SLC2A2: variants seen among roughly 807,000 people sequenced by gnomAD.
The protein encoded by SLC2A2 is solute carrier family 2 member 2, also known as solute carrier family 2, facilitated glucose transporter member 2.
SLC2A2 carries 36 observed loss-of-function variants against 54.5 expected under a neutral mutation model. That is an observed-to-expected ratio of 0.66 (90% CI 0.51 to 0.87). The LOEUF (loss-of-function observed/expected upper bound fraction) is 0.87, where lower values mean the gene tolerates loss of function less well. Ranked by LOEUF, SLC2A2 falls within the 40% of genes least tolerant of loss-of-function variation. The pLI is 0.00. For missense variants in SLC2A2, 543 were observed against 624.3 expected (o/e 0.87, Z 1.39); for synonymous variants, 223 against 219.1 (o/e 1.02, Z -0.16).
chr3:171,016,100 G>C (rs1204488264), intron 2 of SLC2A2, among the ~76,000 whole-genome samples: 1 of 152,080 alleles, frequency 6.6e-6, no homozygotes, highest in Non-Finnish European at 1.5e-5. Context: ...GCTGAGGGAG[G>C]GGAAGAATTG....
intron 3 of SLC2A2, among the ~76,000 whole-genome samples, chr3:171,012,125 T>C (rs1018258192): frequency 6.6e-6 from 1 of 152,182 alleles, no homozygotes; most frequent in East Asian, 1.9e-4. Context: ...ATCATCATCA[T>C]CATCATCATC....
chr3:171,007,454 G>T, intron 4 of SLC2A2, 191 bp from the exon 5 acceptor site: 1 of 590,136 alleles, frequency 1.7e-6, no homozygotes. Flanking sequence ...TGCAGTTGTA[G>T]TTGGAAACAT....
intron 8 of SLC2A2, 99 bp downstream of exon 8, chr3:171,002,477 A>C: frequency 1.3e-6 from 1 of 771,856 alleles, no homozygotes; most frequent in Non-Finnish European, 2.3e-6. Flanking sequence ...GCATGTGTAC[A>C]ATAAGTCATT....
At chr3:170,999,345 G>A (rs1272116748) in intron 8 of SLC2A2, among the ~76,000 whole-genome samples, 179 bp from the exon 9 acceptor site, 1 of 152,068 alleles carries the variant, frequency 6.6e-6, no homozygotes, top group Admixed American at 6.6e-5. Context: ...GCCCCAGGTG[G>A]CAGAGCTAGT....
chr3:170,998,873 T>TTCAGTCTTAAACCCAAGA (rs944673917), intron 9 of SLC2A2, among the ~76,000 whole-genome samples, 192 bp downstream of exon 9: 4 of 152,200 alleles, frequency 2.6e-5, no homozygotes, highest in African/African-American at 4.8e-5. Flanking sequence ...CATGCTGATA[T>TTCAGTCTTAAACCCAAGA]TCAGTCTTAA....
intron 6 of SLC2A2, among the ~76,000 whole-genome samples, 194 bp downstream of exon 6, chr3:171,005,749 T>C (rs1715567491): frequency 6.6e-6 from 1 of 152,062 alleles, no homozygotes; most frequent in Non-Finnish European, 1.5e-5. Context: ...TTGAGTCTAA[T>C]ACCGTGTGTA....
At chr3:171,003,717 ATAGTGCTGC>A (rs1470093608) in intron 7 of SLC2A2, among the ~76,000 whole-genome samples, 1 of 152,026 alleles carries the variant, frequency 6.6e-6, no homozygotes, top group Admixed American at 6.6e-5. Flanking sequence ...GTGATTATGA[ATAGTGCTGC>A]TAGGAACATT....
Position 171,007,253 on chromosome 3 carries a change from T to A in SLC2A2, c.507A>T (p.Ser169=). Residue 169 remains serine, a synonymous_variant, in exon 5 of 11, where the codon TCA becomes TCT. Transcript: ENST00000314251. The part of the protein sequence containing the change: ...SISGLYCGLI[S]GLVPMYIGEI... ...CACCGATATACATAGGAACCAGGCC[T>A]GAAATTAGCCCTGCATGAAACATAA... The A allele has an allele frequency of 6.3e-7, 1 of 1,599,414 alleles. No individual in the cohort carries two copies. The highest frequency in any genetic ancestry group is 8.6e-7 in the Non-Finnish European group (1 of 1,167,156).
chr3:171,005,816 G>A (rs1715570555), intron 6 of SLC2A2, 127 bp downstream of exon 6: 2 of 926,664 alleles, frequency 2.2e-6, no homozygotes, highest in African/African-American at 3.3e-5. Flanking sequence ...ACATGCACCA[G>A]TCATATAAAA....
intron 2 of SLC2A2, among the ~76,000 whole-genome samples, chr3:171,017,895 T>C (rs1716225246): frequency 6.6e-6 from 1 of 152,236 alleles, no homozygotes; most frequent in Non-Finnish European, 1.5e-5. Flanking sequence ...GGAGTCATCG[T>C]GGAGAAAATC....
At position 171,005,272 on chromosome 3, in the gene SLC2A2, T is replaced by C. The variant is rs758338074; in HGVS notation, c.963+13A>G. 14 of 1,610,494 alleles carry C rather than the reference T, an allele frequency of 8.7e-6. No individual in the cohort carries two copies. The highest frequency in any genetic ancestry group is 1.1e-5 in the Non-Finnish European group (13 of 1,177,080). ...CTGTGCTCTTAAGAGTTAGTGGGTG[T>C]TCTTAAACTTACGCCATTGATTCCG... On this transcript the variant is annotated intron_variant, in intron 7 of 10. Coordinates refer to ENST00000314251, the MANE Select transcript of SLC2A2 (RefSeq NM_000340.2).
At chr3:171,006,978 T>G (rs1715640733) in intron 5 of SLC2A2, among the ~76,000 whole-genome samples, 170 bp downstream of exon 5, 1 of 151,966 alleles carries the variant, frequency 6.6e-6, no homozygotes, top group Admixed American at 6.6e-5. Context: ...CCACTACCAC[T>G]GGTAGAATTG....
chr3:171,017,731 G>C (rs1244126896), intron 2 of SLC2A2, among the ~76,000 whole-genome samples: 2 of 152,218 alleles, frequency 1.3e-5, no homozygotes, highest in Non-Finnish European at 2.9e-5. Flanking sequence ...GTCTGAGTTA[G>C]AGCAGAGGGG....
At chr3:171,021,060 G>A (rs58284370) in intron 1 of SLC2A2, among the ~76,000 whole-genome samples, 20,484 of 151,920 alleles carry the variant, frequency 0.13, 1,745 homozygotes, top group African/African-American at 0.24. Context: ...TGGTCTATGT[G>A]AGTATGAAAG....
At chr3:171,012,032 G>C (rs369386967) in intron 3 of SLC2A2, among the ~76,000 whole-genome samples, 7 of 152,204 alleles carry the variant, frequency 4.6e-5, no homozygotes, top group Admixed American at 6.5e-5. Context: ...TTAATTCTAT[G>C]TAAGCATATT....
rs1307632316 is a variant in SLC2A2 at position 170,996,769 on chromosome 3, G to A, written c.*1134C>T. The A allele has an allele frequency of 2.5e-6, 1 of 396,296 alleles. No individual in the cohort carries two copies. Among genetic ancestry groups the A allele is most frequent in the African/African-American group, 2.1e-5 (1 of 48,542 alleles). The allele number at this position is 396,296 out of a possible 1,614,324, so 24.5% of individuals were successfully genotyped here. Reference sequence around the variant, plus strand: ...TAAGACAAAGAAGGAAATGTCAAAGGAGACGATTATTTTATGTTAGGAACA... The same window carrying A: ...TAAGACAAAGAAGGAAATGTCAAAGAAGACGATTATTTTATGTTAGGAACA... On this transcript the variant is annotated 3_prime_UTR_variant, in exon 11 of 11. Coordinates refer to ENST00000314251, the MANE Select transcript of SLC2A2 (RefSeq NM_000340.2).
Position 171,005,977 on chromosome 3 carries a change from G to A in SLC2A2, c.741C>T (p.Tyr247=), listed in dbSNP as rs1224905939. ...CTTTGACTTCCTCATCTAACTTGAT[G>A]TAAAGGTATCTGGGGCTTTCTGGAC... The part of the protein sequence containing the change: ...FFCPESPRYL[Y]IKLDEEVKAK... Residue 247 remains tyrosine, a synonymous_variant, in exon 6 of 11, where the codon TAC becomes TAT. Coordinates refer to ENST00000314251, the MANE Select transcript of SLC2A2 (RefSeq NM_000340.2). The A allele has an allele frequency of 3.7e-6, 6 of 1,612,556 alleles. No individual in the cohort carries two copies. The highest frequency in any genetic ancestry group is 1.7e-4 in the Middle Eastern group (1 of 6,048).
At position 171,004,508 on chromosome 3, in the gene SLC2A2, G is replaced by A. The variant is rs73879247; in HGVS notation, c.963+777C>T. Among the ~76,000 whole-genome samples, 1,119 of 151,910 alleles carry A rather than the reference G, an allele frequency of 7.4e-3. 19 individuals carry two copies. The highest frequency in any genetic ancestry group is 0.026 in the African/African-American group (1,069 of 41,448). ...TGCCCATCTCTCAATCACCCACAAA[G>A]TGTCCCATGTGGATTTGGCATTGGC... On this transcript the variant is annotated intron_variant, in intron 7 of 10. Coordinates refer to ENST00000314251, the MANE Select transcript of SLC2A2 (RefSeq NM_000340.2).
chr3:171,016,064 G>A (rs890004628), intron 2 of SLC2A2, among the ~76,000 whole-genome samples: 2 of 152,136 alleles, frequency 1.3e-5, no homozygotes, highest in Non-Finnish European at 2.9e-5. Flanking sequence ...TACTAGTTAT[G>A]GGCAAAGGCC....
Sources: allele counts gnomAD v4.1 joint callset (sites outside exome capture counted in the v4.1 genomes callset), GRCh38; gene constraint gnomAD v4.1.1; transcripts MANE v1.5; gene names NCBI Gene and HGNC (gene_info 2026-07-23, HGNC 2026-07-21).